Variants in TACC2 observed in about 807,000 individuals in gnomAD.
The protein encoded by TACC2 is transforming acidic coiled-coil containing protein 2, also known as transforming acidic coiled-coil-containing protein 2.
A neutral mutation model predicts 227.3 loss-of-function variants in TACC2; 137 were observed. The observed-to-expected ratio is 0.60, with a 90% confidence interval of 0.52 to 0.69. TACC2 has a LOEUF of 0.69. Ranked by LOEUF, TACC2 falls within the 30% of genes least tolerant of loss-of-function variation. The probability of loss-of-function intolerance (pLI) is 0.00; values close to 1 mark genes in which losing one functional copy is unlikely to be tolerated. For missense variants in TACC2, 3,470 were observed against 3,694.4 expected, an observed-to-expected ratio of 0.94 and a Z score of 1.57; for synonymous variants, 1,523 against 1,487.5, an observed-to-expected ratio of 1.02 and a Z score of -0.55.
intron 7 of TACC2, among the ~76,000 whole-genome samples, chr10:122,175,465 C>A (rs1051630029): frequency 6.6e-6 from 1 of 152,216 alleles, no homozygotes; most frequent in Non-Finnish European, 1.5e-5. Flanking sequence ...CCTGCCCAGA[C>A]CCCGTTCTGT....
chr10:121,996,862 A>G (rs1041365660), intron 1 of TACC2, among the ~76,000 whole-genome samples: 2 of 151,992 alleles, frequency 1.3e-5, no homozygotes, highest in Admixed American at 6.6e-5. Context: ...TTAGGTTTAG[A>G]GTCTTTTCCC....
At chr10:122,038,902 G>A (rs576296561) in intron 2 of TACC2, among the ~76,000 whole-genome samples, 2 of 152,334 alleles carry the variant, frequency 1.3e-5, no homozygotes, top group East Asian at 3.9e-4. Flanking sequence ...GAGTTTTGCA[G>A]GTGGGGGAAG....
chr10:122,136,579 G>C (rs2089709864), intron 6 of TACC2, among the ~76,000 whole-genome samples: 1 of 143,862 alleles, frequency 7.0e-6, no homozygotes, highest in South Asian at 2.3e-4. Context: ...ATTAGATGTA[G>C]TCTTGCTCTG....
intron 1 of TACC2, among the ~76,000 whole-genome samples, chr10:122,008,038 T>C (rs549431521): frequency 6.6e-6 from 1 of 152,238 alleles, no homozygotes; most frequent in South Asian, 2.1e-4. Flanking sequence ...CTCCTTAACC[T>C]TGGATTTCCC....
intron 16 of TACC2, among the ~76,000 whole-genome samples, chr10:122,234,641 T>A (rs1555487): frequency 0.7 from 106,462 of 152,156 alleles, 37,574 homozygotes; most frequent in East Asian, 1. Context: ...TATTGAAAAC[T>A]CCAGGTGGCC....
At position 122,205,572 on chromosome 10, in the gene TACC2, G is replaced by T. The variant is rs745939225; in HGVS notation, c.5972-4825G>T. 5.9e-5 allele frequency among the ~76,000 whole-genome samples: 9 copies of T among 152,218 alleles called. No individual in the cohort carries two copies. The highest frequency in any genetic ancestry group is 4.4e-5 in the Non-Finnish European group (3 of 68,034). On this transcript the variant is annotated intron_variant, in intron 8 of 22. Coordinates refer to ENST00000369005, the MANE Select transcript of TACC2 (RefSeq NM_206862.4). The surrounding 1 kb of genome is among the most constrained non-coding windows in gnomAD (Gnocchi z 4.5). ...TTACCCACTGGAGGTTTAAGAATGA[G>T]GATAGGCCCAGATAGAAGCAGATGA...
intron 1 of TACC2, among the ~76,000 whole-genome samples, chr10:122,017,084 T>TGC (rs60205246): frequency 8.8e-5 from 4 of 45,428 alleles, no homozygotes; most frequent in Non-Finnish European, 1.8e-4. Flanking sequence ...AGACAATAAC[T>TGC]TGCTGAAGCC....
intron 1 of TACC2, among the ~76,000 whole-genome samples, chr10:121,996,135 C>G (rs1197664248): frequency 6.6e-6 from 1 of 152,082 alleles, no homozygotes; most frequent in Non-Finnish European, 1.5e-5. Context: ...TCCAGTGTAG[C>G]CTTGACTTCC....
chr10:122,108,787 G>T (rs2083245820), intron 5 of TACC2, among the ~76,000 whole-genome samples: 1 of 151,306 alleles, frequency 6.6e-6, no homozygotes, highest in Admixed American at 6.6e-5. Context: ...AGGCTGGAGT[G>T]CAATGGTGCG....
chr10:122,121,039 C>T (rs1054017818), intron 5 of TACC2, among the ~76,000 whole-genome samples: 5 of 152,160 alleles, frequency 3.3e-5, no homozygotes, highest in Admixed American at 1.3e-4. Flanking sequence ...GGATTACAGG[C>T]GTGAACCACC....
intron 7 of TACC2, among the ~76,000 whole-genome samples, chr10:122,171,501 A>T (rs561541514): frequency 2.0e-5 from 3 of 152,328 alleles, no homozygotes; most frequent in Non-Finnish European, 4.4e-5. Context: ...ACTTACTCCA[A>T]GGTGTTTGTG....
chr10:122,208,829 A>G (rs1031001605), intron 8 of TACC2, among the ~76,000 whole-genome samples: 1 of 152,204 alleles, frequency 6.6e-6, no homozygotes, highest in African/African-American at 2.4e-5. Flanking sequence ...CTCATTCTGC[A>G]TCTCCCAGTA....
intron 7 of TACC2, chr10:122,163,513 T>A (rs2092952453): frequency 1.0e-6 from 1 of 954,882 alleles, no homozygotes; most frequent in Non-Finnish European, 1.2e-6. Context: ...GAGCCCGCGA[T>A]GGAGCTTTGT....
rs7083331 is a variant in TACC2, at chr10:122,210,658, T to C, written c.6233T>C (p.Ile2078Thr). 28,811 of 1,613,814 alleles carry C rather than the reference T, an allele frequency of 0.018. 3,916 individuals carry two copies. The African/African-American group carries it at 0.32, about 18-fold the overall frequency. ...TRRKSTDSVP[I>T]SKSTLSRSLS... ...AGGAAGTCCACGGATTCCGTCCCCA[T>C]CTCTAAGTCTACACTGTCCCGGTCG... Residue 2078 changes from isoleucine to threonine, a missense_variant, in exon 9 of 23, where the codon ATC becomes ACC. Ile to Thr is a moderately conservative substitution (Grantham distance 89). Around this residue, in one of 10 missense-constraint regions of TACC2, gnomAD observed 593 missense variants for 636.6 expected, o/e 0.93. Transcript: ENST00000369005. The surrounding 1 kb of genome is among the most constrained non-coding windows in gnomAD (Gnocchi z 4.6).
chr10:122,226,406 T>G lies in TACC2; in HGVS notation c.7649T>G (p.Met2550Arg), dbSNP rs1268085020. 4 of 1,614,022 alleles carry G rather than the reference T, an allele frequency of 2.5e-6. No individual in the cohort carries two copies. The African/African-American group carries it at 5.3e-5, about 22-fold the overall frequency. Reference sequence around the variant, plus strand: ...CCGAAGAAGCAGGCCTTGTACCTTATGTTTGACACTTCTCAGGAGAGCCCT... The same window carrying G: ...CCGAAGAAGCAGGCCTTGTACCTTAGGTTTGACACTTCTCAGGAGAGCCCT... ...DAPKKQALYL[M>R]FDTSQESPVK... Residue 2550 changes from methionine to arginine, a missense_variant, in exon 13 of 23, where the codon ATG becomes AGG. Around this residue, in one of 10 missense-constraint regions of TACC2, gnomAD observed 345 missense variants for 354.4 expected, o/e 0.97. Coordinates refer to ENST00000369005, the MANE Select transcript of TACC2 (RefSeq NM_206862.4).
At chr10:122,133,051 C>T (rs1268873149) in intron 6 of TACC2, among the ~76,000 whole-genome samples, 1 of 152,150 alleles carries the variant, frequency 6.6e-6, no homozygotes, top group Non-Finnish European at 1.5e-5. Flanking sequence ...AAACAGAAAC[C>T]CTCCAGTAGA....
chr10:122,048,374 A>T (rs541714186), intron 2 of TACC2, among the ~76,000 whole-genome samples: 214 of 142,926 alleles, frequency 1.5e-3, no homozygotes, highest in African/African-American at 5.4e-3. Flanking sequence ...ATGGAGCCTT[A>T]TTTTTTTTTT....
rs1953056652 is a variant in TACC2, at chr10:121,992,232, A to G, written c.-46+2744A>G. Among the ~76,000 whole-genome samples the G allele has an allele frequency of 2.0e-5, 3 of 152,194 alleles. No individual in the cohort carries two copies. In the South Asian group the frequency reaches 6.2e-4, roughly 31 times the overall value. On this transcript the variant is annotated intron_variant, in intron 1 of 22. Coordinates refer to ENST00000369005, the MANE Select transcript of TACC2 (RefSeq NM_206862.4). The stretch of plus-strand genomic sequence containing the variant: ...GTAGAAAGCTGTGAAGAAGGCCCAG[A>G]ACAGCCCACCCTGATATGCCAGGCT...
rs549610855 is a variant in TACC2, at chr10:122,157,397, G to T, written c.5834+13691G>T. Among the ~76,000 whole-genome samples, 222 of 152,310 alleles carry T rather than the reference G, an allele frequency of 1.5e-3. 1 individual carries two copies. The highest frequency in any genetic ancestry group is 2.7e-3 in the Non-Finnish European group (187 of 68,022). ...TGACATAGCTATATGGAAGAATATT[G>T]TATTGGTGGGAGGATATTGTTGAAG... is the stretch of plus-strand genomic sequence containing the variant. On this transcript the variant is annotated intron_variant, in intron 7 of 22. Coordinates refer to ENST00000369005, the MANE Select transcript of TACC2 (RefSeq NM_206862.4).
Sources: allele counts gnomAD v4.1 joint callset (sites outside exome capture counted in the v4.1 genomes callset), GRCh38; gene constraint gnomAD v4.1.1; regional missense constraint gnomAD v4.1.1; non-coding constraint Gnocchi (gnomAD v3.1); transcripts MANE v1.5; gene names NCBI Gene and HGNC (gene_info 2026-07-23, HGNC 2026-07-21).